Variants in SLC16A7 observed in about 807,000 individuals in gnomAD.
The protein encoded by SLC16A7 is monocarboxylate transporter 2.
In SLC16A7, 33 loss-of-function variants were observed where a neutral mutation model predicts 34.9. The ratio of observed to expected loss-of-function variants is 0.94; its 90% CI spans 0.72 to 1.26. The LOEUF is 1.26. SLC16A7 is among the 50% of genes most tolerant of loss of function. The pLI, the probability that SLC16A7 is intolerant of heterozygous loss-of-function variation, is 0.00. For missense variants in SLC16A7, 573 were observed against 578.1 expected (o/e 0.99, Z 0.09); for synonymous variants, 201 against 206.6 (o/e 0.97, Z 0.23).
intron 2 of SLC16A7, among the ~76,000 whole-genome samples, chr12:59,677,753 T>C (rs1044241098): frequency 4.6e-5 from 7 of 152,216 alleles, no homozygotes; most frequent in Admixed American, 2.0e-4. Context: ...CAAAAACCAG[T>C]AAGTAATTTT....
intron 1 of SLC16A7, among the ~76,000 whole-genome samples, chr12:59,649,239 G>A (rs764971225): frequency 2.0e-4 from 31 of 152,128 alleles, no homozygotes; most frequent in African/African-American, 7.2e-5. Context: ...AGTGTACAAT[G>A]GACAAGGTTG....
intron 4 of SLC16A7, 118 bp from the exon 5 acceptor site, chr12:59,774,539 T>C (rs908062124): frequency 2.8e-5 from 17 of 603,440 alleles, no homozygotes; most frequent in Non-Finnish European, 4.4e-5. Context: ...ATGTACTATA[T>C]GATATTGCGT....
At chr12:59,602,851 C>G (rs1461362163) in intron 1 of SLC16A7, among the ~76,000 whole-genome samples, 1 of 152,136 alleles carries the variant, frequency 6.6e-6, no homozygotes, top group Middle Eastern at 3.2e-3. Context: ...CCGCTTTCAC[C>G]TCAGTAGGAA....
intron 2 of SLC16A7, among the ~76,000 whole-genome samples, chr12:59,672,905 A>G (rs1442873546): frequency 1.3e-5 from 2 of 152,184 alleles, no homozygotes; most frequent in Non-Finnish European, 2.9e-5. Context: ...AGGCTGTGCC[A>G]TCTCTCTTTC....
chr12:59,708,795 T>C (rs1367559136), intron 3 of SLC16A7, among the ~76,000 whole-genome samples: 4 of 151,586 alleles, frequency 2.6e-5, no homozygotes, highest in Non-Finnish European at 5.9e-5. Context: ...TTATCTTCCC[T>C]TCTGATGTCT....
chr12:59,667,962 G>A (rs1869349407), intron 2 of SLC16A7, among the ~76,000 whole-genome samples: 1 of 152,208 alleles, frequency 6.6e-6, no homozygotes. Flanking sequence ...GAGAGGACAA[G>A]CCCCAAGCCT....
intron 1 of SLC16A7, among the ~76,000 whole-genome samples, chr12:59,654,704 C>CACAT (rs111848640): frequency 0.23 from 34,131 of 151,634 alleles, 4,503 homozygotes; most frequent in East Asian, 0.66. Flanking sequence ...CACACACACA[C>CACAT]ACACACTCAC....
At chr12:59,677,339 T>G (rs1343401465) in intron 2 of SLC16A7, among the ~76,000 whole-genome samples, 1 of 152,160 alleles carries the variant, frequency 6.6e-6, no homozygotes, top group African/African-American at 2.4e-5. Context: ...TTTAAGGAGC[T>G]CTGAAACCTT....
At chr12:59,648,725 T>C (rs773622204) in intron 1 of SLC16A7, among the ~76,000 whole-genome samples, 2 of 152,092 alleles carry the variant, frequency 1.3e-5, no homozygotes, top group African/African-American at 2.4e-5. Flanking sequence ...TATTTTAGAT[T>C]GCGTGAAATA....
In SLC16A7 at chr12:59,775,371, T is replaced by C. The variant is rs775932311; in HGVS notation, c.1076T>C (p.Phe359Ser). Residue 359 changes from phenylalanine to serine, a missense_variant, in exon 5 of 6, where the codon TTT becomes TCT. By Grantham distance (155) the Phe-to-Ser change is radical. Transcript: ENST00000547379. The stretch of plus-strand genomic sequence containing the variant: ...TTTGGGAGTGTTAGCAGTGTTCTCT[T>C]TGAAACTCTCATGGACCTCGTGGGT... ...LGFGSVSSVL[F>S]ETLMDLVGAP... 2 of 1,614,140 alleles carry C rather than the reference T, an allele frequency of 1.2e-6. No homozygotes were observed. Among genetic ancestry groups the C allele is most frequent in the Non-Finnish European group, 1.7e-6 (2 of 1,179,988 alleles).
chr12:59,758,043 C>A (rs187124823), intron 3 of SLC16A7, among the ~76,000 whole-genome samples: 1 of 152,044 alleles, frequency 6.6e-6, no homozygotes, highest in East Asian at 1.9e-4. Context: ...ATACAATTCA[C>A]CCTTGAACAA....
chr12:59,727,295 G>A (rs1876404873), intron 3 of SLC16A7, among the ~76,000 whole-genome samples: 1 of 151,954 alleles, frequency 6.6e-6, no homozygotes, highest in African/African-American at 2.4e-5. Context: ...GCTGACAATG[G>A]AGCAGTGGCT....
intron 3 of SLC16A7, among the ~76,000 whole-genome samples, chr12:59,743,267 C>G (rs1878535964): frequency 6.6e-6 from 1 of 152,100 alleles, no homozygotes; most frequent in African/African-American, 2.4e-5. Context: ...ACCTATAAAT[C>G]AAAACATCGT....
rs189302766 is a variant in SLC16A7, at chr12:59,775,981, T to C, written c.1180+506T>C. Among the ~76,000 whole-genome samples the C allele has an allele frequency of 3.5e-3, 532 of 152,296 alleles. 5 individuals carry two copies. The highest frequency in any genetic ancestry group is 0.012 in the African/African-American group (512 of 41,580). On this transcript the variant is annotated intron_variant, in intron 5 of 5. Transcript: ENST00000547379. ...TGATAAGAATATATTCATGTATCTA[T>C]TCCATATAGAGAAAGACAGGGATGA... is the stretch of plus-strand genomic sequence containing the variant.
chr12:59,729,904 A>G (rs1368570387), intron 3 of SLC16A7, among the ~76,000 whole-genome samples: 4 of 152,218 alleles, frequency 2.6e-5, no homozygotes, highest in Non-Finnish European at 5.9e-5. Flanking sequence ...TGGAAAAGCT[A>G]AAAGTAAGTT....
At chr12:59,751,046 C>A (rs540984733) in intron 3 of SLC16A7, among the ~76,000 whole-genome samples, 117 of 148,938 alleles carry the variant, frequency 7.9e-4, no homozygotes, top group African/African-American at 2.9e-3. Context: ...GAACATCACA[C>A]ACTGAGGCCT....
intron 1 of SLC16A7, among the ~76,000 whole-genome samples, chr12:59,635,801 A>G (rs1880394293): frequency 1.3e-5 from 2 of 152,038 alleles, no homozygotes; most frequent in Non-Finnish European, 2.9e-5. Context: ...AGAGGAAGGT[A>G]GACTGTATAC....
chr12:59,718,362 A>G (rs1441726652), intron 3 of SLC16A7, among the ~76,000 whole-genome samples: 1 of 152,130 alleles, frequency 6.6e-6, no homozygotes, highest in East Asian at 1.9e-4. Context: ...CTAAATATCT[A>G]AACAATTTTT....
intron 3 of SLC16A7, among the ~76,000 whole-genome samples, chr12:59,755,756 C>T (rs1880246177): frequency 1.3e-5 from 2 of 152,180 alleles, no homozygotes. Context: ...GAAAAAGCTA[C>T]TTTCAAGTTC....
Sources: gnomAD v4.1 joint callset for allele counts (sites outside exome capture counted in the v4.1 genomes callset) on GRCh38, gnomAD v4.1.1 for gene constraint, MANE v1.5 for transcripts, NCBI Gene and HGNC (gene_info 2026-07-23, HGNC 2026-07-21) for gene names.